The following NOL3 variants were observed in gnomAD, a reference collection of about 807,000 sequenced individuals.
The protein encoded by NOL3 is nucleolar protein 3, also known as muscle-enriched cytoplasmic protein.
A neutral mutation model predicts 19.2 loss-of-function variants in NOL3; 18 were observed. The ratio of observed to expected loss-of-function variants is 0.94; its 90% confidence interval spans 0.65 to 1.39. The LOEUF (loss-of-function observed/expected upper bound fraction) is 1.39, where lower values mean the gene tolerates loss of function less well. NOL3 is among the 40% of genes most tolerant of loss of function. The probability of loss-of-function intolerance (pLI) is 0.00; values close to 1 mark genes in which losing one functional copy is unlikely to be tolerated. For missense variants in NOL3, 290 were observed against 289.5 expected (o/e 1.00, Z -0.01); for synonymous variants, 127 against 137.3 (o/e 0.93, Z 0.52).
exon 2 of NOL3, chr16:67,174,286 G>C: frequency 1.2e-6 from 2 of 1,611,270 alleles, no homozygotes; most frequent in Non-Finnish European, 1.7e-6. Context: ...CGCGGGGCGT[G>C]CTCACCGGGC....
chr16:67,174,059 C>T lies in NOL3; in HGVS notation c.-8-103C>T, dbSNP rs2233456. On this transcript the variant is annotated intron_variant, in intron 1 of 3. Transcript: ENST00000268605. ...GGCTGGGATCGAGGTGAACTTAAAC[C>T]CCAGCCTGGGTGTTCACTGGGGGCA... is the stretch of plus-strand genomic sequence containing the variant. The T allele has an allele frequency of 5.9e-3, 9,277 of 1,570,584 alleles. 62 individuals are homozygous for T. The highest frequency in any genetic ancestry group is 0.018 in the South Asian group (1,580 of 86,768).
At position 67,170,784 on chromosome 16, in the gene NOL3, G is replaced by GTT. The variant is rs2031697048; in HGVS notation, c.-9+210_-9+211insTT. Among the ~76,000 whole-genome samples, 1 of 150,450 alleles carries GTT rather than the reference G, an allele frequency of 6.6e-6. No homozygotes were observed. Among genetic ancestry groups the GTT allele is most frequent in the African/African-American group, 2.5e-5 (1 of 39,834 alleles). Reference sequence around the variant, plus strand: ...GGTGGAGGGAGGTAAGGGGCGGGGGGGGAAAATCCGTGCAGTCGCACATGC... The same window carrying GTT: ...GGTGGAGGGAGGTAAGGGGCGGGGGGTTGGAAAATCCGTGCAGTCGCACATGC... On this transcript the variant is annotated intron_variant, in intron 1 of 3. Coordinates refer to ENST00000268605, the Ensembl canonical transcript of NOL3. The surrounding 1 kb of genome is among the most constrained non-coding windows in gnomAD (Gnocchi z 5.7).
intron 1 of NOL3, among the ~76,000 whole-genome samples, chr16:67,173,429 C>T (rs1042788847): frequency 6.6e-6 from 1 of 152,102 alleles, no homozygotes; most frequent in Non-Finnish European, 1.5e-5. Context: ...ATTGGGGTTG[C>T]ACTATGGTGG....
rs554760118 is a variant in NOL3, at chr16:67,174,107, C to A, written c.-8-55C>A. 1.9e-6 allele frequency: 3 copies of A among 1,599,068 alleles called. No homozygotes were observed. In the South Asian group the frequency reaches 3.4e-5, roughly 18 times the overall value. On this transcript the variant is annotated intron_variant, in intron 1 of 3. Transcript: ENST00000268605. ...GCATTGAGGGAGTGGTCAGAGGCGG[C>A]GAGGGCAGCGGGGAGGGCAACCCCC...
chr16:67,174,954 C>A lies in NOL3; in HGVS notation c.619+10C>A, dbSNP rs775266808. On this transcript the variant is annotated intron_variant, in intron 3 of 3. Transcript: ENST00000268605. ...AGGGACGAGTCCGAAGGTGTGAGTCCGCCCAAACCCTGAGCCGGCTTGGCG... is the reference window on the plus strand; with the variant it reads ...AGGGACGAGTCCGAAGGTGTGAGTCAGCCCAAACCCTGAGCCGGCTTGGCG... 6.2e-7 allele frequency: 1 copy of A among 1,609,350 alleles called. No homozygotes were observed. Among genetic ancestry groups the A allele is most frequent in the South Asian group, 1.1e-5 (1 of 90,738 alleles).
In NOL3 at chr16:67,174,264, A is replaced by G. The variant is rs766169488; in HGVS notation, c.95A>G (p.Asp32Gly). ...CAGGCGGACTCGGGACTGCTGTTGG[A>G]CGCGCTGCTGGCGCGGGGCGTGCTC... Residue 32 changes from aspartate (D) to glycine (G), a missense_variant, in exon 2 of 4, where the codon GAC becomes GGC. Physicochemically the swap from Asp to Gly is moderately conservative, Grantham distance 94. This residue lies in a region of NOL3 where 153 missense variants were observed against 149.4 expected (regional missense o/e 1.02). Coordinates refer to ENST00000268605, the Ensembl canonical transcript of NOL3. 1.2e-5 allele frequency: 19 copies of G among 1,612,390 alleles called. No individual in the cohort carries two copies. The highest frequency in any genetic ancestry group is 2.7e-5 in the African/African-American group (2 of 74,940).
intron 3 of NOL3, 21 bp from the exon 4 acceptor site, chr16:67,175,026 C>A: frequency 6.2e-7 from 1 of 1,613,892 alleles, no homozygotes; most frequent in Non-Finnish European, 8.5e-7. Context: ...CCTCTTTGAC[C>A]ACTGTTCCCG....
chr16:67,174,300 A>G (rs1388395880), exon 2 of NOL3: 1 of 1,610,006 alleles, frequency 6.2e-7, no homozygotes, highest in Non-Finnish European at 8.5e-7. Flanking sequence ...ACCGGGCCAG[A>G]GTACGAGGCA....
At position 67,170,559 on chromosome 16, in the gene NOL3, C is replaced by G. The variant is rs2031674012; in HGVS notation, c.-24C>G. 1 of 152,078 alleles carries G rather than the reference C, an allele frequency of 6.6e-6. No homozygotes were observed. The highest frequency in any genetic ancestry group is 1.5e-5 in the Non-Finnish European group (1 of 68,006). The allele number at this position is 152,078 out of a possible 1,614,324, so 9.4% of individuals were successfully genotyped here. A position where few individuals can be genotyped will look rare whatever the true frequency, so the allele number is the denominator to read the frequency against. ...CTTTCTGCACCGTCATCTCCTGCCC[C>G]GCCGAGGCTTGACCCGTGAGTGGGG... On this transcript the variant is annotated 5_prime_UTR_variant, in exon 1 of 4. Transcript: ENST00000268605. This position sits in a 1 kb window ranked among gnomAD's most constrained non-coding sequence, Gnocchi z 5.7.
intron 1 of NOL3, chr16:67,172,817 G>A (rs1325737065): frequency 6.6e-6 from 1 of 151,270 alleles, no homozygotes; most frequent in Non-Finnish European, 1.5e-5. Context: ...GACCAGGACA[G>A]GCGCGGTGGC....
intron 1 of NOL3, among the ~76,000 whole-genome samples, chr16:67,173,313 G>A (rs572123714): frequency 1.3e-5 from 2 of 152,302 alleles, no homozygotes; most frequent in East Asian, 3.9e-4. Context: ...TAGGGAGACA[G>A]GTGGGTCTCA....
exon 3 of NOL3, chr16:67,174,848 C>A (rs1223981877): frequency 6.2e-7 from 1 of 1,607,018 alleles, no homozygotes; most frequent in Non-Finnish European, 8.5e-7. Flanking sequence ...AGAGCCAGAG[C>A]TGGAACCCGA....
In NOL3 at chr16:67,174,340, G is replaced by C; in HGVS notation, c.171G>C (p.Arg57Ser). 3.8e-6 allele frequency: 6 copies of C among 1,595,486 alleles called. No individual in the cohort carries two copies. The highest frequency in any genetic ancestry group is 5.1e-6 in the Non-Finnish European group (6 of 1,172,072). The change falls in exon 2 of 4, where the codon AGG (arginine) becomes AGC (serine). Residue 57 changes from arginine to serine, a missense_variant. Around this residue, in one of 3 missense-constraint regions of NOL3, gnomAD observed 153 missense variants for 149.4 expected, o/e 1.02. Coordinates refer to ENST00000268605, the Ensembl canonical transcript of NOL3. ...ATGCACTGCCTGATGCCGAGCGCAG[G>C]GTGCGCCGCCTACTGCTGCTGGTGC...
At chr16:67,173,875 G>GTCCT (rs1379969069) in intron 1 of NOL3, 6 of 1,535,406 alleles carry the variant, frequency 3.9e-6, no homozygotes, top group Non-Finnish European at 4.4e-6. Context: ...GTAGATGCCA[G>GTCCT]TCCTGGGAAA....
chr16:67,174,102 GGCGGCGAGGGCA>G, intron 1 of NOL3, 48 bp from the exon 2 acceptor site: 1 of 1,599,028 alleles, frequency 6.3e-7, no homozygotes, highest in Non-Finnish European at 8.5e-7. Context: ...AGTGGTCAGA[GGCGGCGAGGGCA>G]GCGGGGAGGG....
chr16:67,174,349 C>T, exon 2 of NOL3: 2 of 1,588,940 alleles, frequency 1.3e-6, no homozygotes, highest in Non-Finnish European at 1.7e-6. Context: ...GGGTGCGCCG[C>T]CTACTGCTGC....
rs1350147378 is a variant in NOL3 at position 67,170,891 on chromosome 16, C to G, written c.-9+317C>G. 6.6e-6 allele frequency among the ~76,000 whole-genome samples: 1 copy of G among 152,228 alleles called. No homozygotes were observed. Among genetic ancestry groups the G allele is most frequent in the African/African-American group, 2.4e-5 (1 of 41,462 alleles). ...CGAGGTGGGGTTGGGGGCTGGGACC[C>G]AGCTCCGTGCCCCGCCACCTGGCTC... On this transcript the variant is annotated intron_variant, in intron 1 of 3. Transcript: ENST00000268605. The surrounding 1 kb of genome is among the most constrained non-coding windows in gnomAD (Gnocchi z 5.7).
exon 2 of NOL3, chr16:67,174,178 C>CAAT (rs1567675041): frequency 6.2e-7 from 1 of 1,609,190 alleles, no homozygotes; most frequent in Non-Finnish European, 8.5e-7. Context: ...CAATGGGCAA[C>CAAT]GCGCAGGAGC....
intron 2 of NOL3, 61 bp downstream of exon 2, chr16:67,174,525 C>A: frequency 6.8e-7 from 1 of 1,469,102 alleles, no homozygotes; most frequent in East Asian, 2.4e-5. Flanking sequence ...GACAAAAGGC[C>A]CGGGGAGGGC....
Sources: gnomAD v4.1 joint callset for allele counts (sites outside exome capture counted in the v4.1 genomes callset) on GRCh38, gnomAD v4.1.1 for gene constraint, gnomAD v4.1.1 regional missense constraint, Gnocchi (gnomAD v3.1) non-coding constraint, MANE v1.5 for transcripts, NCBI Gene and HGNC (gene_info 2026-07-23, HGNC 2026-07-21) for gene names.